UVRAG: variants seen among roughly 807,000 people sequenced by gnomAD.
UVRAG encodes UV radiation resistance associated, also known as UV radiation resistance-associated gene protein.
UVRAG carries 19 observed loss-of-function variants against 78.0 expected under a neutral mutation model. That is an observed-to-expected ratio of 0.24 (90% confidence interval 0.17 to 0.36). The LOEUF (loss-of-function observed/expected upper bound fraction) is 0.36. Ranked by LOEUF, UVRAG falls within the 10% of genes least tolerant of loss-of-function variation. The pLI is 1.00. For synonymous variants in UVRAG, 323 were observed against 324.6 expected (o/e 1.00, Z 0.05); for missense variants, 740 against 853.8 (o/e 0.87, Z 1.66).
intron 3 of UVRAG, among the ~76,000 whole-genome samples, chr11:75,868,807 C>G (rs1946588063): frequency 6.6e-6 from 1 of 152,170 alleles, no homozygotes; most frequent in Non-Finnish European, 1.5e-5. Context: ...TTAACAGTTA[C>G]AAAGTTAATC....
chr11:75,934,527 G>C (rs988655492), intron 6 of UVRAG, among the ~76,000 whole-genome samples: 1 of 152,012 alleles, frequency 6.6e-6, no homozygotes, highest in Non-Finnish European at 1.5e-5. Context: ...ATAACACAAA[G>C]GATAAATACT....
At chr11:75,928,818 C>T (rs1323268334) in intron 6 of UVRAG, among the ~76,000 whole-genome samples, 2 of 150,236 alleles carry the variant, frequency 1.3e-5, no homozygotes, top group East Asian at 2.0e-4. Flanking sequence ...GGTGGGCGCC[C>T]GTAGTCCCAG....
rs541190147 is a variant in UVRAG at position 75,826,415 on chromosome 11, A to G, written c.117+10891A>G. 2.3e-4 allele frequency among the ~76,000 whole-genome samples: 35 copies of G among 152,224 alleles called. 1 individual carries two copies. The South Asian group carries it at 6.8e-3, about 30-fold the overall frequency. On this transcript the variant is annotated intron_variant, in intron 1 of 14. Transcript: ENST00000356136. ...CGTGATCCACCCGCCTCTGCCTCCT[A>G]AAGTGCTGGGATTACAGGCGTGAGC...
At position 75,917,769 on chromosome 11, in the gene UVRAG, G is replaced by T. The variant is rs759385802; in HGVS notation, c.593+5730G>T. On this transcript the variant is annotated intron_variant, in intron 6 of 14. Transcript: ENST00000356136. ...CAAGCTAGTAATCTTAGTCATTTTT[G>T]GTTTCTCTAATTTTTCTTCCCTTGG... 3.3e-5 allele frequency among the ~76,000 whole-genome samples: 5 copies of T among 151,960 alleles called. No individual in the cohort carries two copies. In the East Asian group the frequency reaches 9.6e-4, roughly 29 times the overall value.
chr11:75,825,218 C>G (rs1429767588), intron 1 of UVRAG, among the ~76,000 whole-genome samples: 1 of 151,892 alleles, frequency 6.6e-6, no homozygotes, highest in Non-Finnish European at 1.5e-5. Context: ...AAGTAATTCT[C>G]CTGCCTCAGC....
At chr11:75,856,890 G>A (rs537590539) in intron 2 of UVRAG, among the ~76,000 whole-genome samples, 56 of 152,284 alleles carry the variant, frequency 3.7e-4, no homozygotes, top group Middle Eastern at 3.4e-3. Flanking sequence ...TGATGTTCCA[G>A]CTGTGATCCA....
At position 76,141,357 on chromosome 11, in the gene UVRAG, G is replaced by A; in HGVS notation, c.2044G>A (p.Ala682Thr). The change falls in exon 15 of 15, where the codon GCA becomes ACA. Residue 682 changes from alanine to threonine, a missense_variant. Ala to Thr is a moderately conservative substitution (Grantham distance 58). Transcript: ENST00000356136. Reference protein sequence around the residue: ...EFEEFSRRIYALNENVSSFRR... With the variant: ...EFEEFSRRIYTLNENVSSFRR... The stretch of plus-strand genomic sequence containing the variant: ...TGAAGAGTTCTCCCGAAGGATCTAT[G>A]CACTGAATGAAAACGTATCCAGCTT... The A allele has an allele frequency of 6.2e-7, 1 of 1,614,178 alleles. No homozygotes were observed. The highest frequency in any genetic ancestry group is 8.5e-7 in the Non-Finnish European group (1 of 1,180,058).
intron 13 of UVRAG, among the ~76,000 whole-genome samples, chr11:76,111,602 C>G (rs769507220): frequency 1.3e-5 from 2 of 152,114 alleles, no homozygotes; most frequent in Non-Finnish European, 2.9e-5. Flanking sequence ...ACAGAGTTCC[C>G]CAACTGCCTT....
intron 1 of UVRAG, among the ~76,000 whole-genome samples, chr11:75,839,471 ATG>A (rs34249186): frequency 6.6e-6 from 1 of 151,226 alleles, no homozygotes. Context: ...AAGGCATAGG[ATG>A]TGTGTGTGTG....
At chr11:76,069,521 A>G (rs1045250163) in intron 13 of UVRAG, among the ~76,000 whole-genome samples, 1 of 152,220 alleles carries the variant, frequency 6.6e-6, no homozygotes, top group Non-Finnish European at 1.5e-5. Context: ...TTAGTTCATA[A>G]GTACATTATA....
chr11:76,045,904 T>C (rs766095600), intron 12 of UVRAG, among the ~76,000 whole-genome samples: 38 of 151,530 alleles, frequency 2.5e-4, no homozygotes, highest in Non-Finnish European at 4.7e-4. Flanking sequence ...ATGGAAAGAG[T>C]CGAGCCCAGT....
rs567180554 is a variant in UVRAG, at chr11:75,815,477, C to T, written c.70C>T (p.Pro24Ser). Reference protein sequence around the residue: ...PPPGPAAALPPGSAARALHVE... With the variant: ...PPPGPAAALPSGSAARALHVE... ...CCCGGGCCCGGCCGCTGCTCTGCCT[C>T]CCGGTTCTGCCGCGCGGGCCCTGCA... The change falls in exon 1 of 15, where the codon CCC becomes TCC. Residue 24 changes from proline to serine, a missense_variant. Physicochemically the swap from Pro to Ser is moderately conservative, Grantham distance 74 (BLOSUM62 -1). Transcript: ENST00000356136. The T allele has an allele frequency of 1.6e-5, 20 of 1,245,712 alleles. No homozygotes were observed. Among genetic ancestry groups the T allele is most frequent in the African/African-American group, 6.2e-5 (4 of 64,590 alleles). The allele number at this position is 1,245,712 out of a possible 1,614,324, so 77.2% of individuals were successfully genotyped here.
At chr11:75,883,285 G>C (rs946062011) in intron 4 of UVRAG, among the ~76,000 whole-genome samples, 1 of 149,548 alleles carries the variant, frequency 6.7e-6, no homozygotes, top group Non-Finnish European at 1.5e-5. Flanking sequence ...ACCCAGCTGA[G>C]CTTATATCTA....
intron 5 of UVRAG, among the ~76,000 whole-genome samples, chr11:75,889,151 T>G (rs543320078): frequency 6.6e-6 from 1 of 152,374 alleles, no homozygotes; most frequent in East Asian, 1.9e-4. Context: ...GCTAGCTGTT[T>G]TCTCTTATTC....
At chr11:75,866,780 G>A (rs576323248) in intron 3 of UVRAG, among the ~76,000 whole-genome samples, 2 of 152,192 alleles carry the variant, frequency 1.3e-5, no homozygotes, top group South Asian at 4.2e-4. Context: ...AATATGTTTA[G>A]TATGTCATAT....
At chr11:76,105,852 A>G (rs909226980) in intron 13 of UVRAG, among the ~76,000 whole-genome samples, 10 of 152,362 alleles carry the variant, frequency 6.6e-5, no homozygotes, top group African/African-American at 2.2e-4. Flanking sequence ...TGCTGATAAC[A>G]GTACACAGCA....
chr11:75,880,122 C>T lies in UVRAG; in HGVS notation c.432+82C>T, dbSNP rs183298974. The stretch of plus-strand genomic sequence containing the variant: ...CTTTCTGTTGATTCTTCTGATTCTG[C>T]GTTTCCTATTATAAAGAGAGACTTT... On this transcript the variant is annotated intron_variant, in intron 4 of 14. Transcript: ENST00000356136. 1.1e-3 allele frequency: 1,720 copies of T among 1,512,346 alleles called. 8 individuals are homozygous for T. The Middle Eastern group carries it at 0.013, about 11-fold the overall frequency. The allele number at this position is 1,512,346 out of a possible 1,614,324, so 93.7% of individuals were successfully genotyped here.
chr11:75,867,997 A>C (rs1297422205), intron 3 of UVRAG, among the ~76,000 whole-genome samples: 2 of 152,218 alleles, frequency 1.3e-5, no homozygotes, highest in African/African-American at 4.8e-5. Context: ...GTAGGACTTT[A>C]TTGATTTTAC....
At position 76,015,545 on chromosome 11, in the gene UVRAG, G is replaced by T. The variant is rs2055865; in HGVS notation, c.1061-1270G>T. Among the ~76,000 whole-genome samples the T allele has an allele frequency of 3.0e-3, 458 of 152,130 alleles. 1 individual carries two copies. Among genetic ancestry groups the T allele is most frequent in the African/African-American group, 0.01 (419 of 41,510 alleles). ...AAGGTGTTTAACATTGTTAGTGAATGAATGAATGTCATATATAAAGTACTA... is the reference window on the plus strand; with the variant it reads ...AAGGTGTTTAACATTGTTAGTGAATTAATGAATGTCATATATAAAGTACTA... On this transcript the variant is annotated intron_variant, in intron 11 of 14. Coordinates refer to ENST00000356136, the MANE Select transcript of UVRAG (RefSeq NM_003369.4).
Sources: gnomAD v4.1 joint callset for allele counts (sites outside exome capture counted in the v4.1 genomes callset) on GRCh38, gnomAD v4.1.1 for gene constraint, MANE v1.5 for transcripts, NCBI Gene and HGNC (gene_info 2026-07-23, HGNC 2026-07-21) for gene names.